The following JAK1 variants were observed in gnomAD, a reference collection of about 807,000 sequenced individuals.
JAK1 encodes tyrosine-protein kinase JAK1.
A neutral mutation model predicts 136.6 loss-of-function variants in JAK1; 16 were observed. The observed-to-expected ratio is 0.12, with a 90% CI of 0.08 to 0.18. The LOEUF (loss-of-function observed/expected upper bound fraction) is 0.18. Ranked by LOEUF, JAK1 falls within the 10% of genes least tolerant of loss-of-function variation. The pLI is 1.00. For synonymous variants in JAK1, 492 were observed against 519.5 expected, an observed-to-expected ratio of 0.95 and a Z score of 0.72; for missense variants, 859 against 1,450.1, an observed-to-expected ratio of 0.59 and a Z score of 6.62.
chr1:64,834,348 C>G lies in JAK1; in HGVS notation c.*214G>C, dbSNP rs970568505. The G allele has an allele frequency of 2.5e-6, 1 of 401,364 alleles. No individual in the cohort carries two copies. Among genetic ancestry groups the G allele is most frequent in the African/African-American group, 2.0e-5 (1 of 50,166 alleles). 24.9% of individuals were successfully genotyped at this position (401,364 alleles called of 1,614,324 possible). A position where few individuals can be genotyped will look rare whatever the true frequency, so the allele number is the denominator to read the frequency against. Reference sequence around the variant, plus strand: ...ATATTTTGGTTGTCATTATGTGTCACTAAGTTACTGGTACCAAATTTAAAG... The same window carrying G: ...ATATTTTGGTTGTCATTATGTGTCAGTAAGTTACTGGTACCAAATTTAAAG... On this transcript the variant is annotated 3_prime_UTR_variant, in exon 25 of 25. Coordinates refer to ENST00000342505, the MANE Select transcript of JAK1 (RefSeq NM_002227.4).
At chr1:64,893,838 A>T (rs1392649747) in intron 1 of JAK1, among the ~76,000 whole-genome samples, 1 of 152,212 alleles carries the variant, frequency 6.6e-6, no homozygotes, top group East Asian at 1.9e-4. Flanking sequence ...CCTGCTGATA[A>T]GTCATCTGAC....
At chr1:64,937,517 G>A (rs1490012208) in intron 1 of JAK1, among the ~76,000 whole-genome samples, 4 of 152,192 alleles carry the variant, frequency 2.6e-5, no homozygotes, top group African/African-American at 7.2e-5. Context: ...AAAGAAAGGA[G>A]CGTATCACTG....
intron 2 of JAK1, among the ~76,000 whole-genome samples, chr1:64,998,884 C>T (rs952821022): frequency 2.0e-5 from 3 of 152,162 alleles, no homozygotes; most frequent in African/African-American, 7.2e-5. Flanking sequence ...TTGTAAATTG[C>T]CCAGTTTCAG....
chr1:64,837,899 CA>C (rs1557618174), intron 22 of JAK1, 32 bp downstream of exon 22: 1 of 1,578,874 alleles, frequency 6.3e-7, no homozygotes, highest in African/African-American at 1.3e-5. Flanking sequence ...CTCTATGAAG[CA>C]TTGATAAAAC....
At position 64,879,042 on chromosome 1, in the gene JAK1, C is replaced by G. The variant is rs753806559; in HGVS notation, c.312G>C (p.Arg104=). 6 of 1,613,816 alleles carry G rather than the reference C, an allele frequency of 3.7e-6. No individual in the cohort carries two copies. In the African/African-American group the frequency reaches 8.0e-5, roughly 22 times the overall value. The change falls in exon 4 of 25, where the codon CGG becomes CGC. Residue 104 remains arginine, a synonymous_variant. Coordinates refer to ENST00000342505, the MANE Select transcript of JAK1 (RefSeq NM_002227.4). ...TCCCATACCTCATCCGGTAGTGGAG[C>G]CGGAGGGACATCTTGTCATCAACGG... is the stretch of plus-strand genomic sequence containing the variant. ...TITVDDKMSL[R]LHYRMRFYFT...
At chr1:65,066,780 T>C in intron 1 of JAK1, 1 of 153,372 alleles carries the variant, frequency 6.5e-6, no homozygotes, top group Non-Finnish European at 1.4e-5. Context: ...CGCCTCCTCC[T>C]CTTAGACTCC....
At chr1:64,852,787 A>G (rs1247329650) in intron 11 of JAK1, among the ~76,000 whole-genome samples, 1 of 152,212 alleles carries the variant, frequency 6.6e-6, no homozygotes, top group Non-Finnish European at 1.5e-5. Context: ...CGTGTGGAAG[A>G]ATGGGATGAC....
At chr1:64,924,891 C>T (rs934374792) in intron 1 of JAK1, among the ~76,000 whole-genome samples, 2 of 152,150 alleles carry the variant, frequency 1.3e-5, no homozygotes, top group African/African-American at 4.8e-5. Flanking sequence ...AGTGAAAATA[C>T]TCTGTGTGAT....
chr1:65,028,524 C>G (rs1053830521), intron 2 of JAK1, among the ~76,000 whole-genome samples: 12 of 151,018 alleles, frequency 7.9e-5, no homozygotes, highest in Non-Finnish European at 1.5e-4. Context: ...ACTGGTATAA[C>G]CACACAAATC....
chr1:64,981,118 G>A (rs1285642147), intron 2 of JAK1, among the ~76,000 whole-genome samples: 2 of 152,158 alleles, frequency 1.3e-5, no homozygotes, highest in Middle Eastern at 3.4e-3. Context: ...TGGCGATATT[G>A]TCTCCACCTT....
chr1:64,839,466 C>CT, intron 20 of JAK1, 137 bp downstream of exon 20: 1 of 724,846 alleles, frequency 1.4e-6, no homozygotes, highest in Non-Finnish European at 2.3e-6. Flanking sequence ...ACTTGGAAGC[C>CT]TTGAGAGTGT....
At chr1:64,878,494 C>T (rs554629910) in intron 4 of JAK1, among the ~76,000 whole-genome samples, 15 of 145,472 alleles carry the variant, frequency 1.0e-4, no homozygotes, top group African/African-American at 3.1e-4. Context: ...CAATGTTTCT[C>T]GAGCTTTTTA....
intron 1 of JAK1, among the ~76,000 whole-genome samples, chr1:64,896,084 G>A (rs7528437): frequency 0.99 from 150,700 of 152,346 alleles, 74,557 homozygotes; most frequent in Middle Eastern, 1. Flanking sequence ...ATCTTTAATT[G>A]TATTTCCCTA....
At chr1:64,856,460 G>A (rs1205387151) in intron 10 of JAK1, among the ~76,000 whole-genome samples, 1 of 152,130 alleles carries the variant, frequency 6.6e-6, no homozygotes, top group East Asian at 1.9e-4. Context: ...TTGGCACAGG[G>A]TCTGGTGGGC....
At chr1:65,063,257 A>G (rs1261752212) in intron 1 of JAK1, among the ~76,000 whole-genome samples, 2 of 152,152 alleles carry the variant, frequency 1.3e-5, no homozygotes, top group African/African-American at 2.4e-5. Flanking sequence ...TTTGCCACAC[A>G]TTGTTTTCCG....
At chr1:64,839,556 G>C in intron 20 of JAK1, 47 bp downstream of exon 20, 1 of 1,569,752 alleles carries the variant, frequency 6.4e-7, no homozygotes, top group Non-Finnish European at 8.7e-7. Flanking sequence ...TATGACCCTA[G>C]ACAGTCACCA....
rs564893353 is a variant in JAK1, at chr1:64,907,905, T to C, written c.-77-21564A>G. 1.2e-4 allele frequency among the ~76,000 whole-genome samples: 18 copies of C among 152,318 alleles called. No homozygotes were observed. In the East Asian group the frequency reaches 2.1e-3, roughly 18 times the overall value. On this transcript the variant is annotated intron_variant, in intron 1 of 24. Coordinates refer to ENST00000342505, the MANE Select transcript of JAK1 (RefSeq NM_002227.4). ...CTCACACCAAAACTGTATTCATTAA[T>C]TGAAATACAATTATGACTCTTAACT... is the stretch of plus-strand genomic sequence containing the variant.
intron 1 of JAK1, among the ~76,000 whole-genome samples, chr1:65,047,916 A>T (rs1372131627): frequency 6.7e-6 from 1 of 149,860 alleles, no homozygotes; most frequent in Non-Finnish European, 1.5e-5. Flanking sequence ...TAATACAGGT[A>T]AAAAAAAAAT....
chr1:65,052,395 A>C (rs1172088498), intron 1 of JAK1, among the ~76,000 whole-genome samples: 1 of 152,128 alleles, frequency 6.6e-6, no homozygotes, highest in Non-Finnish European at 1.5e-5. Flanking sequence ...AATGATGACT[A>C]GGCCGGGCAT....
Sources: gnomAD v4.1 joint callset for allele counts (sites outside exome capture counted in the v4.1 genomes callset) on GRCh38, gnomAD v4.1.1 for gene constraint, MANE v1.5 for transcripts, NCBI Gene and HGNC (gene_info 2026-07-23, HGNC 2026-07-21) for gene names.